Variants in DLG5 observed in about 807,000 individuals in gnomAD.
DLG5 encodes the protein disks large homolog 5.
In DLG5, 48 loss-of-function variants were observed where a neutral mutation model predicts 189.8. The ratio of observed to expected loss-of-function variants is 0.25; its 90% CI spans 0.20 to 0.32. The LOEUF is 0.32. Ranked by LOEUF, DLG5 falls within the 10% of genes least tolerant of loss-of-function variation. The pLI is 1.00. For missense variants in DLG5, 2,160 were observed against 2,544.7 expected (o/e 0.85, Z 3.25); for synonymous variants, 1,016 against 1,054.1 (o/e 0.96, Z 0.70).
intron 1 of DLG5, among the ~76,000 whole-genome samples, chr10:77,910,643 C>T (rs964382179): frequency 6.6e-6 from 1 of 152,142 alleles, no homozygotes. Flanking sequence ...TTCTAAGATC[C>T]CTTCCAGCCA....
chr10:77,878,947 T>A (rs1311759743), intron 1 of DLG5, among the ~76,000 whole-genome samples: 1 of 152,196 alleles, frequency 6.6e-6, no homozygotes, highest in African/African-American at 2.4e-5. Flanking sequence ...CAAGGCCCAC[T>A]CATTCGCCAA....
intron 2 of DLG5, chr10:77,866,738 C>T: frequency 3.0e-6 from 1 of 338,852 alleles, no homozygotes; most frequent in Non-Finnish European, 5.8e-6. Context: ...GAAGACACCA[C>T]ACAGAGGAGG....
At chr10:77,870,521 A>C (rs954682099) in intron 1 of DLG5, among the ~76,000 whole-genome samples, 1 of 152,136 alleles carries the variant, frequency 6.6e-6, no homozygotes, top group African/African-American at 2.4e-5. Flanking sequence ...CATCTCTATA[A>C]AAAATACAAA....
chr10:77,809,433 C>G, intron 24 of DLG5, 114 bp downstream of exon 24: 1 of 1,221,244 alleles, frequency 8.2e-7, no homozygotes, highest in Non-Finnish European at 1.1e-6. Flanking sequence ...TCAGCCCTGA[C>G]TGGCTCACCA....
chr10:77,826,202 GGCCAT>G, intron 13 of DLG5, among the ~76,000 whole-genome samples: 1 of 152,298 alleles, frequency 6.6e-6, no homozygotes, highest in Non-Finnish European at 1.5e-5. Context: ...GCATGTCAGT[GGCCAT>G]GCAGCACGAC....
intron 1 of DLG5, among the ~76,000 whole-genome samples, chr10:77,904,936 C>CA (rs1846030551): frequency 6.6e-6 from 1 of 151,780 alleles, no homozygotes. Flanking sequence ...TGAGACCAGC[C>CA]TGACCAACAT....
chr10:77,869,214 G>GAC lies in DLG5; in HGVS notation c.305-19_305-18dup. 16 of 1,612,890 alleles carry GAC rather than the reference G, an allele frequency of 9.9e-6. No homozygotes were observed. Among genetic ancestry groups the GAC allele is most frequent in the Non-Finnish European group, 1.4e-5 (16 of 1,179,228 alleles). ...AGGTAGAACCTGGGGAAAGAGGGGAGACCATGTTACTAACCCCAAGGGGTC... is the reference window on the plus strand; with the variant it reads ...AGGTAGAACCTGGGGAAAGAGGGGAGACACCATGTTACTAACCCCAAGGGGTC... On this transcript the variant is annotated splice_polypyrimidine_tract_variant and intron_variant, in intron 1 of 31. Transcript: ENST00000372391.
At position 77,914,009 on chromosome 10, in the gene DLG5, T is replaced by C. The variant is rs1332320374; in HGVS notation, c.304+12208A>G. ...CTGGCAATCAGACCATGTTCAGCTT[T>C]CTGGGATCAAAGAGAATCAGGTCTT... is the stretch of plus-strand genomic sequence containing the variant. On this transcript the variant is annotated intron_variant, in intron 1 of 31. Transcript: ENST00000372391. Among the ~76,000 whole-genome samples, 3 of 152,198 alleles carry C rather than the reference T, an allele frequency of 2.0e-5. No individual in the cohort carries two copies. In the East Asian group the frequency reaches 5.8e-4, roughly 29 times the overall value.
Position 77,814,464 on chromosome 10 carries a change from TATATATATATATATATATA to T in DLG5, c.4025+2068_4025+2086del, listed in dbSNP as rs1841943906. On this transcript the variant is annotated intron_variant, in intron 20 of 31. Transcript: ENST00000372391. ...GTACATAAATAATAAAGCATGTTTA[TATATATATATATATATATA>T]TATATATATATATATATATATATCC... Among the ~76,000 whole-genome samples, 8 of 30,096 alleles carry T rather than the reference TATATATATATATATATATA, an allele frequency of 2.7e-4. No homozygotes were observed. In the South Asian group the frequency reaches 4.4e-3, roughly 16 times the overall value. The allele number at this position is 30,096 out of a possible 152,430, so 19.7% of individuals were successfully genotyped here. A position where few individuals can be genotyped will look rare whatever the true frequency, so the allele number is the denominator to read the frequency against.
Position 77,843,690 on chromosome 10 carries a change from C to T in DLG5, c.881G>A (p.Gly294Glu), listed in dbSNP as rs1843542259. The change falls in exon 6 of 32, where the codon GGG becomes GAG. Residue 294 changes from glycine (G) to glutamate (E), a missense_variant. Physicochemically the swap from Gly to Glu is moderately conservative, Grantham distance 98 (BLOSUM62 -2). Around this residue, in one of 5 missense-constraint regions of DLG5, gnomAD observed 664 missense variants for 838.5 expected, o/e 0.79. Coordinates refer to ENST00000372391, the MANE Select transcript of DLG5 (RefSeq NM_004747.4). ...AQQQQVLKHN[G>E]SSEILNKLYD... ...CAGTTTGTTGAGAATCTCGGATGAC[C>T]CGTTGTGCTTCAACACCTGGAGACC... The T allele has an allele frequency of 6.2e-7, 1 of 1,613,926 alleles. No homozygotes were observed. The highest frequency in any genetic ancestry group is 8.5e-7 in the Non-Finnish European group (1 of 1,180,038).
chr10:77,867,822 G>C (rs1844744705), intron 2 of DLG5: 9 of 412,516 alleles, frequency 2.2e-5, no homozygotes, highest in South Asian at 1.2e-4. Flanking sequence ...AGCAGTTATT[G>C]CTGATGGTGA....
intron 1 of DLG5, among the ~76,000 whole-genome samples, chr10:77,903,298 C>T (rs551975806): frequency 2.0e-5 from 3 of 151,014 alleles, no homozygotes; most frequent in East Asian, 3.9e-4. Flanking sequence ...CGTGGTGGCA[C>T]GTGCCTGTAG....
chr10:77,926,890 C>A, upstream of DLG5: 1 of 337,920 alleles, frequency 3.0e-6, no homozygotes, highest in South Asian at 2.0e-5. This position sits in a 1 kb window ranked among gnomAD's most constrained non-coding sequence, Gnocchi z 5.2. Context: ...GCCGCCCGCC[C>A]CGCGAGAAAA....
chr10:77,805,527 A>G (rs1841423398), intron 27 of DLG5, 138 bp downstream of exon 27: 2 of 997,486 alleles, frequency 2.0e-6, no homozygotes, highest in African/African-American at 3.3e-5. Context: ...CCCCCCGACC[A>G]AGCCGAACAC....
chr10:77,888,775 G>C (rs1321644739), intron 1 of DLG5, among the ~76,000 whole-genome samples: 2 of 152,178 alleles, frequency 1.3e-5, no homozygotes, highest in African/African-American at 4.8e-5. Context: ...CAAGCTTTAT[G>C]CATTAAACCA....
Position 77,843,592 on chromosome 10 carries a change from T to C in DLG5, c.979A>G (p.Lys327Glu), listed in dbSNP as rs1218282026. The C allele has an allele frequency of 4.3e-6, 7 of 1,613,954 alleles. No individual in the cohort carries two copies. ...YDALRKRYSE[K>E]VAIHNADLSR... ...AGGTCTGCATTGTGGATGGCGACTT[T>C]CTCACTGTACCTCTTCCGAAGGGCG... The change falls in exon 6 of 32, where the codon AAA (lysine) becomes GAA (glutamate). Residue 327 changes from lysine to glutamate, a missense_variant. Transcript: ENST00000372391.
chr10:77,850,299 T>G (rs1033207005), intron 5 of DLG5, among the ~76,000 whole-genome samples: 2 of 152,190 alleles, frequency 1.3e-5, no homozygotes, highest in African/African-American at 4.8e-5. Flanking sequence ...GGAATCATAG[T>G]TTGTGGTCTT....
chr10:77,930,865 G>A (rs1358565128), upstream of DLG5, among the ~76,000 whole-genome samples: 1 of 134,332 alleles, frequency 7.4e-6, no homozygotes, highest in Non-Finnish European at 1.5e-5. Flanking sequence ...TTGTTGCCCA[G>A]GCTGGAGTGC....
At chr10:77,917,639 T>G (rs373214287) in intron 1 of DLG5, among the ~76,000 whole-genome samples, 3 of 152,254 alleles carry the variant, frequency 2.0e-5, no homozygotes, top group African/African-American at 7.2e-5. Context: ...TAGGGGGCCA[T>G]GTAGTTATTA....
Sources: allele counts gnomAD v4.1 joint callset (sites outside exome capture counted in the v4.1 genomes callset), GRCh38; gene constraint gnomAD v4.1.1; regional missense constraint gnomAD v4.1.1; non-coding constraint Gnocchi (gnomAD v3.1); transcripts MANE v1.5; gene names NCBI Gene and HGNC (gene_info 2026-07-23, HGNC 2026-07-21).